CEP63: variants seen among roughly 807,000 people sequenced by gnomAD.
The protein encoded by CEP63 is centrosomal protein of 63 kDa.
CEP63 carries 84 observed loss-of-function variants against 89.1 expected under a neutral mutation model. The observed-to-expected ratio is 0.94, with a 90% confidence interval of 0.79 to 1.13. CEP63 has a LOEUF of 1.13. Among genes scored for constraint, CEP63 ranks in the 50% most tolerant of loss-of-function variants. The pLI, the probability that CEP63 is intolerant of heterozygous loss-of-function variation, is 0.00. For missense variants in CEP63, 838 were observed against 813.3 expected (o/e 1.03, Z -0.37); for synonymous variants, 267 against 272.5 (o/e 0.98, Z 0.20).
chr3:134,654,622 A>T, the CEP63 span, among the ~76,000 whole-genome samples: 1 of 152,106 alleles, frequency 6.6e-6, no homozygotes, highest in Non-Finnish European at 1.5e-5. Context: ...TAGGCTTCCC[A>T]TGGCCTCTTG....
At chr3:134,609,430 G>A in the CEP63 span, among the ~76,000 whole-genome samples, 1 of 152,168 alleles carries the variant, frequency 6.6e-6, no homozygotes, top group East Asian at 1.9e-4. Context: ...GTGAGTACGC[G>A]AGCCCTGCGT....
chr3:134,655,569 G>A, the CEP63 span, among the ~76,000 whole-genome samples: 7 of 152,292 alleles, frequency 4.6e-5, no homozygotes, highest in African/African-American at 1.7e-4. Context: ...GTGTCTTACA[G>A]GTAGCAGGGG....
chr3:134,763,976 T>G, the CEP63 span, among the ~76,000 whole-genome samples: 1 of 152,148 alleles, frequency 6.6e-6, no homozygotes, highest in East Asian at 1.9e-4. Flanking sequence ...CCCTGGGTCA[T>G]AAGGATAGTC....
chr3:134,549,118 A>G lies in CEP63; in HGVS notation c.1124A>G (p.Tyr375Cys), dbSNP rs1444552707. The G allele has an allele frequency of 2.5e-6, 4 of 1,613,852 alleles. No homozygotes were observed. Among genetic ancestry groups the G allele is most frequent in the Non-Finnish European group, 3.4e-6 (4 of 1,179,770 alleles). ...CTGAGCCAAGAACTAATGGAAAAAT[A>G]TGAAGAACTGAAGAGGATGGAAGCA... ...KQLSQELMEKYEELKRMEAHN... is the reference protein window; with the variant it reads ...KQLSQELMEKCEELKRMEAHN... Residue 375 changes from tyrosine (Y) to cysteine (C), a missense_variant, in exon 10 of 15, where the codon TAT becomes TGT. Physicochemically the swap from Tyr to Cys is radical, Grantham distance 194 (BLOSUM62 -2). Coordinates refer to ENST00000675561, the MANE Select transcript of CEP63 (RefSeq NM_001353108.3).
At chr3:134,687,485 G>C in the CEP63 span, among the ~76,000 whole-genome samples, 2 of 152,246 alleles carry the variant, frequency 1.3e-5, no homozygotes, top group Non-Finnish European at 2.9e-5. Context: ...TTTCTCCAGT[G>C]GTTATCTCTG....
chr3:134,726,481 C>CAA, the CEP63 span, among the ~76,000 whole-genome samples: 35 of 143,156 alleles, frequency 2.4e-4, no homozygotes, highest in East Asian at 9.8e-4. Flanking sequence ...CACACACACA[C>CAA]ACACACACAC....
At chr3:134,676,712 GC>G in the CEP63 span, among the ~76,000 whole-genome samples, 1 of 152,148 alleles carries the variant, frequency 6.6e-6, no homozygotes, top group Non-Finnish European at 1.5e-5. Context: ...TATCACTTGA[GC>G]CCCTATAATC....
At chr3:134,737,468 G>T in the CEP63 span, among the ~76,000 whole-genome samples, 1 of 151,990 alleles carries the variant, frequency 6.6e-6, no homozygotes, top group Non-Finnish European at 1.5e-5. Context: ...AGAAAAAAAA[G>T]ACAAAAGATA....
chr3:134,561,785 T>A lies in CEP63; in HGVS notation c.*250T>A. On this transcript the variant is annotated 3_prime_UTR_variant, in exon 15 of 15. Coordinates refer to ENST00000675561, the MANE Select transcript of CEP63 (RefSeq NM_001353108.3). ...TTGCTAGACTTTTTTCTCATACGAA[T>A]ATTTATTATCATAAAGTGATACTTA... is the stretch of plus-strand genomic sequence containing the variant. 7.7e-7 allele frequency: 1 copy of A among 1,294,662 alleles called. No homozygotes were observed. Among genetic ancestry groups the A allele is most frequent in the Non-Finnish European group, 9.8e-7 (1 of 1,016,592 alleles). 80.2% of individuals were successfully genotyped at this position (1,294,662 alleles called of 1,614,324 possible).
At chr3:134,538,757 A>C (rs1951398213) in intron 6 of CEP63, among the ~76,000 whole-genome samples, 1 of 151,500 alleles carries the variant, frequency 6.6e-6, no homozygotes, top group Non-Finnish European at 1.5e-5. Context: ...TCAGATTGAC[A>C]AAAAAGCAAA....
In CEP63 at chr3:134,500,383, T is replaced by C. The variant is rs559956805; in HGVS notation, c.44+5019T>C. Reference sequence around the variant, plus strand: ...GTTGGTTTCATGTCTGCTATTGTGATTGGTGTTGCGATGAACATGTGAGCG... The same window carrying C: ...GTTGGTTTCATGTCTGCTATTGTGACTGGTGTTGCGATGAACATGTGAGCG... On this transcript the variant is annotated intron_variant, in intron 2 of 14. Coordinates refer to ENST00000675561, the MANE Select transcript of CEP63 (RefSeq NM_001353108.3). Among the ~76,000 whole-genome samples, 4 of 152,290 alleles carry C rather than the reference T, an allele frequency of 2.6e-5. No individual in the cohort carries two copies. The East Asian group carries it at 7.7e-4, about 29-fold the overall frequency.
chr3:134,580,377 A>C (rs1327410293), intron 10 of CEP63, among the ~76,000 whole-genome samples: 2 of 134,076 alleles, frequency 1.5e-5, no homozygotes, highest in African/African-American at 2.9e-5. Flanking sequence ...ATGGCTGTAC[A>C]ACTCTAAGAA....
At chr3:134,498,454 T>C (rs576905855) in intron 2 of CEP63, among the ~76,000 whole-genome samples, 6 of 152,248 alleles carry the variant, frequency 3.9e-5, no homozygotes, top group Non-Finnish European at 8.8e-5. Flanking sequence ...AAGACTTTTT[T>C]GGTGGAGTCT....
At chr3:134,611,785 C>T in the CEP63 span, among the ~76,000 whole-genome samples, 3 of 152,232 alleles carry the variant, frequency 2.0e-5, no homozygotes, top group Non-Finnish European at 4.4e-5. Context: ...ACCAGGGCTG[C>T]AGCCTCAGTT....
chr3:134,778,150 T>G, the CEP63 span, among the ~76,000 whole-genome samples: 2 of 149,120 alleles, frequency 1.3e-5, no homozygotes, highest in African/African-American at 2.5e-5. Flanking sequence ...CAGGCTGGAG[T>G]GCAGTGATGT....
the CEP63 span, among the ~76,000 whole-genome samples, chr3:134,690,256 T>C: frequency 4.8e-4 from 73 of 152,220 alleles, no homozygotes; most frequent in Non-Finnish European, 8.5e-4. Context: ...GCTGGGAAGA[T>C]AAAATGATAG....
chr3:134,501,065 G>C (rs1481794560), intron 2 of CEP63, among the ~76,000 whole-genome samples: 2 of 152,156 alleles, frequency 1.3e-5, no homozygotes, highest in Admixed American at 6.5e-5. Flanking sequence ...CAAGTAGCCA[G>C]TTTTCCCAGC....
In CEP63 at chr3:134,541,221, A is replaced by G. The variant is rs1363043453; in HGVS notation, c.555+3953A>G. ...GCCCAGTATTTTTTATGGAAGTACA[A>G]TTGTTTTATAAACAGTTAATTAGAA... is the stretch of plus-strand genomic sequence containing the variant. On this transcript the variant is annotated intron_variant, in intron 6 of 14. Coordinates refer to ENST00000675561, the MANE Select transcript of CEP63 (RefSeq NM_001353108.3). Among the ~76,000 whole-genome samples the G allele has an allele frequency of 3.3e-5, 5 of 152,224 alleles. No individual in the cohort carries two copies. The South Asian group carries it at 8.3e-4, about 25-fold the overall frequency.
chr3:134,566,395 A>C (rs1348954358), downstream of CEP63, among the ~76,000 whole-genome samples: 1 of 152,170 alleles, frequency 6.6e-6, no homozygotes, highest in Non-Finnish European at 1.5e-5. Context: ...GAAGGTTCAT[A>C]ATTTTCATTA....
Sources: gnomAD v4.1 joint callset for allele counts (sites outside exome capture counted in the v4.1 genomes callset) on GRCh38, gnomAD v4.1.1 for gene constraint, MANE v1.5 for transcripts, NCBI Gene and HGNC (gene_info 2026-07-23, HGNC 2026-07-21) for gene names.